Variants in KCTD16 observed in about 807,000 individuals in gnomAD.
KCTD16 encodes potassium channel tetramerization domain containing 16.
A neutral mutation model predicts 33.2 loss-of-function variants in KCTD16; 13 were observed. The ratio of observed to expected loss-of-function variants is 0.39; its 90% CI spans 0.25 to 0.62. The LOEUF (loss-of-function observed/expected upper bound fraction) is 0.62. Ranked by LOEUF, KCTD16 falls within the 20% of genes least tolerant of loss-of-function variation. KCTD16 has a pLI of 0.50. For synonymous variants in KCTD16, 197 were observed against 195.3 expected, an observed-to-expected ratio of 1.01 and a Z score of -0.07; for missense variants, 441 against 525.1, an observed-to-expected ratio of 0.84 and a Z score of 1.57.
At chr5:144,322,190 G>T (rs1457883198) in intron 3 of KCTD16, among the ~76,000 whole-genome samples, 1 of 152,074 alleles carries the variant, frequency 6.6e-6, no homozygotes, top group Non-Finnish European at 1.5e-5. Flanking sequence ...TTTAGATTAT[G>T]ATTAAGCAGT....
intron 3 of KCTD16, among the ~76,000 whole-genome samples, chr5:144,449,093 A>G (rs1424774702): frequency 6.6e-6 from 1 of 152,074 alleles, no homozygotes; most frequent in African/African-American, 2.4e-5. Flanking sequence ...TCTGCAATCA[A>G]TATCTATATG....
At chr5:144,303,570 A>G (rs1461391329) in intron 3 of KCTD16, among the ~76,000 whole-genome samples, 5 of 152,188 alleles carry the variant, frequency 3.3e-5, no homozygotes, top group Admixed American at 2.0e-4. Flanking sequence ...TCATTATCTC[A>G]GAGTGACCTG....
Position 144,484,249 on chromosome 5 carries a change from G to A in KCTD16, c.*10135G>A, listed in dbSNP as rs1221725983. ...CATGAATAATTGGAAAGGTATTCTA[G>A]TTAAGACACACAGAAACACAAACTT... On this transcript the variant is annotated 3_prime_UTR_variant, in exon 4 of 4. Transcript: ENST00000512467. 6.6e-6 allele frequency: 1 copy of A among 151,832 alleles called. No individual in the cohort carries two copies. The highest frequency in any genetic ancestry group is 2.4e-5 in the African/African-American group (1 of 41,378). The allele number at this position is 151,832 out of a possible 1,614,324, so 9.4% of individuals were successfully genotyped here.
chr5:144,241,993 G>T (rs1256367386), intron 3 of KCTD16, among the ~76,000 whole-genome samples: 5 of 152,150 alleles, frequency 3.3e-5, no homozygotes, highest in African/African-American at 1.2e-4. Context: ...TAGTGCACAA[G>T]TGTACCCTAC....
At chr5:144,394,014 G>A (rs1580928066) in intron 3 of KCTD16, among the ~76,000 whole-genome samples, 1 of 143,112 alleles carries the variant, frequency 7.0e-6, no homozygotes, top group African/African-American at 2.6e-5. Flanking sequence ...TTTGCACATG[G>A]TCGGGAACCC....
intron 3 of KCTD16, among the ~76,000 whole-genome samples, chr5:144,357,143 A>G (rs1751589212): frequency 6.6e-6 from 1 of 152,138 alleles, no homozygotes; most frequent in Non-Finnish European, 1.5e-5. Context: ...TAGGTTGCCA[A>G]CTTCAGCTTT....
intron 3 of KCTD16, among the ~76,000 whole-genome samples, chr5:144,254,541 A>T: frequency 6.6e-6 from 1 of 152,122 alleles, no homozygotes. Context: ...TTAACATGAG[A>T]TCTGCCCTCT....
chr5:144,379,363 G>T lies in KCTD16; in HGVS notation c.833-94297G>T, dbSNP rs1470449612. 2.0e-5 allele frequency among the ~76,000 whole-genome samples: 3 copies of T among 152,148 alleles called. No homozygotes were observed. In the East Asian group the frequency reaches 5.8e-4, roughly 29 times the overall value. On this transcript the variant is annotated intron_variant, in intron 3 of 3. Transcript: ENST00000512467. Reference sequence around the variant, plus strand: ...TATTTCACGTACTAGAAGAAGAGGGGCTTACTTGAAATGGGTTTAGAATTG... The same window carrying T: ...TATTTCACGTACTAGAAGAAGAGGGTCTTACTTGAAATGGGTTTAGAATTG...
At chr5:144,337,054 C>G (rs1280370579) in intron 3 of KCTD16, among the ~76,000 whole-genome samples, 2 of 151,612 alleles carry the variant, frequency 1.3e-5, no homozygotes, top group Non-Finnish European at 2.9e-5. Flanking sequence ...TCCCAAGTTT[C>G]TTCCTTGTCC....
chr5:144,178,874 T>G (rs1752561791), intron 2 of KCTD16, among the ~76,000 whole-genome samples: 1 of 152,142 alleles, frequency 6.6e-6, no homozygotes, highest in African/African-American at 2.4e-5. Context: ...CATATTAAAA[T>G]TTTGAGAGGC....
At chr5:144,222,167 T>A (rs2126804507) in intron 3 of KCTD16, among the ~76,000 whole-genome samples, 1 of 152,316 alleles carries the variant, frequency 6.6e-6, no homozygotes, top group South Asian at 2.1e-4. Flanking sequence ...GGTATTAGCC[T>A]TTTGTCAATG....
At chr5:144,349,833 G>T (rs1752902606) in intron 3 of KCTD16, among the ~76,000 whole-genome samples, 1 of 152,118 alleles carries the variant, frequency 6.6e-6, no homozygotes, top group South Asian at 2.1e-4. Flanking sequence ...CTGTGACCAT[G>T]GAATCCTAAA....
chr5:144,301,383 A>G (rs1751434446), intron 3 of KCTD16, among the ~76,000 whole-genome samples: 1 of 152,146 alleles, frequency 6.6e-6, no homozygotes, highest in African/African-American at 2.4e-5. Flanking sequence ...GTAAGACCAG[A>G]GGTAAGAAGA....
intron 3 of KCTD16, among the ~76,000 whole-genome samples, chr5:144,278,727 G>C (rs1755514264): frequency 6.6e-6 from 1 of 151,694 alleles, no homozygotes; most frequent in Non-Finnish European, 1.5e-5. Context: ...TCGATCTCCT[G>C]ACCTCATGAT....
At chr5:144,327,522 A>T (rs1272441130) in intron 3 of KCTD16, among the ~76,000 whole-genome samples, 1 of 152,090 alleles carries the variant, frequency 6.6e-6, no homozygotes, top group African/African-American at 2.4e-5. Flanking sequence ...TTTTGAAATA[A>T]TTAATTTTAT....
intron 3 of KCTD16, among the ~76,000 whole-genome samples, chr5:144,335,789 C>T (rs1014442171): frequency 2.6e-5 from 4 of 151,932 alleles, no homozygotes; most frequent in Non-Finnish European, 4.4e-5. Context: ...ATGGCAGGTG[C>T]GAGATAGAGT....
intron 3 of KCTD16, among the ~76,000 whole-genome samples, chr5:144,450,180 C>T (rs566027842): frequency 6.6e-6 from 1 of 151,902 alleles, no homozygotes; most frequent in South Asian, 2.1e-4. Context: ...TACAAATGGC[C>T]ACCGGGTATA....
chr5:144,373,704 A>G (rs978992906), intron 3 of KCTD16, among the ~76,000 whole-genome samples: 3 of 152,250 alleles, frequency 2.0e-5, no homozygotes, highest in African/African-American at 7.2e-5. Flanking sequence ...TCTTGTATAA[A>G]TATCATCAGG....
rs1016055714 is a variant in KCTD16 at position 144,324,647 on chromosome 5, T to C, written c.832+117101T>C. Among the ~76,000 whole-genome samples the C allele has an allele frequency of 2.6e-5, 4 of 152,162 alleles. No individual in the cohort carries two copies. In the East Asian group the frequency reaches 7.7e-4, roughly 29 times the overall value. The stretch of plus-strand genomic sequence containing the variant: ...ACTCGTATGTTCACTGCAGCACTAT[T>C]CACAATAGCAAAGGCATGAAATAAA... On this transcript the variant is annotated intron_variant, in intron 3 of 3. Transcript: ENST00000512467.
Sources: allele counts gnomAD v4.1 joint callset (sites outside exome capture counted in the v4.1 genomes callset), GRCh38; gene constraint gnomAD v4.1.1; transcripts MANE v1.5; gene names NCBI Gene and HGNC (gene_info 2026-07-23, HGNC 2026-07-21).